SMIM27: variants seen among roughly 807,000 people sequenced by gnomAD.
SMIM27 encodes the protein TOPORS antisense RNA 1 (non-protein coding).
SMIM27 carries 3 observed loss-of-function variants against 1.8 expected under a neutral mutation model. That is an observed-to-expected ratio of 1.65 (90% CI 0.75 to 4.28). The LOEUF (loss-of-function observed/expected upper bound fraction) is 4.28. Among genes scored for constraint, SMIM27 ranks in the 30% most tolerant of loss-of-function variants. SMIM27 has a pLI of 0.02. For synonymous variants in SMIM27, 19 were observed against 13.9 expected, an observed-to-expected ratio of 1.37 and a Z score of -0.82; for missense variants, 63 against 37.0, an observed-to-expected ratio of 1.70 and a Z score of -1.83.
At chr9:32,561,069 T>C (rs1355373918) in intron 1 of SMIM27, among the ~76,000 whole-genome samples, 1 of 152,222 alleles carries the variant, frequency 6.6e-6, no homozygotes, top group African/African-American at 2.4e-5. Context: ...GTAGCCTTTT[T>C]ATGAACATAA....
chr9:32,560,232 G>A (rs942811071), intron 1 of SMIM27, among the ~76,000 whole-genome samples: 1 of 152,178 alleles, frequency 6.6e-6, no homozygotes, highest in Non-Finnish European at 1.5e-5. Context: ...GTGGCTCTGG[G>A]ACCTCTACTG....
chr9:32,566,089 C>A (rs879214696), intron 1 of SMIM27: 1 of 425,202 alleles, frequency 2.4e-6, no homozygotes, highest in Non-Finnish European at 4.2e-6. Context: ...AAAAAGGCAC[C>A]TGTTAAAATT....
At chr9:32,559,159 A>G (rs1821558540) in intron 1 of SMIM27, among the ~76,000 whole-genome samples, 1 of 152,152 alleles carries the variant, frequency 6.6e-6, no homozygotes, top group Non-Finnish European at 1.5e-5. Flanking sequence ...AACTTCTCCC[A>G]TCCCCAAACT....
chr9:32,555,922 A>C (rs1032602948), downstream of SMIM27, among the ~76,000 whole-genome samples: 2 of 152,226 alleles, frequency 1.3e-5, no homozygotes, highest in African/African-American at 4.8e-5. Flanking sequence ...ATTGCCAAGA[A>C]CCAGTGACTA....
chr9:32,558,560 T>C (rs1189041170), intron 1 of SMIM27, among the ~76,000 whole-genome samples: 1 of 152,222 alleles, frequency 6.6e-6, no homozygotes, highest in Non-Finnish European at 1.5e-5. Flanking sequence ...CATGCATGGA[T>C]GTTTGCTTAG....
chr9:32,551,160 C>T, upstream of SMIM27: 1 of 683,846 alleles, frequency 1.5e-6, no homozygotes, highest in Admixed American at 2.4e-5. Flanking sequence ...GCTCCAGACC[C>T]CGGAGGAGGG....
intron 1 of SMIM27, among the ~76,000 whole-genome samples, chr9:32,560,883 T>C (rs1336440435): frequency 6.6e-6 from 1 of 152,168 alleles, no homozygotes; most frequent in Non-Finnish European, 1.5e-5. Context: ...GTTTTTATAT[T>C]TGAAACTCAA....
intron 1 of SMIM27, among the ~76,000 whole-genome samples, chr9:32,558,204 C>T (rs1215648702): frequency 2.0e-5 from 3 of 151,224 alleles, no homozygotes; most frequent in Non-Finnish European, 4.4e-5. Flanking sequence ...CTCCACCTCC[C>T]AGGTTCACGC....
At chr9:32,553,985 C>G, downstream of SMIM27, 1 of 1,283,636 alleles carries the variant, frequency 7.8e-7, no homozygotes, top group Non-Finnish European at 1.1e-6. Flanking sequence ...AATCTTAAGT[C>G]TACAGAGGTG....
rs1587639856 is a variant in SMIM27, at chr9:32,558,951, T to C, written c.45+6472T>C. The C allele has an allele frequency of 1.9e-6, 3 of 1,580,716 alleles. No individual in the cohort carries two copies. The East Asian group carries it at 6.7e-5, about 35-fold the overall frequency. Reference sequence around the variant, plus strand: ...TTCTTTTCAACTATGCCATATGGTTTTTCCTGTAATAAAAGTTAACTCTGT... The same window carrying C: ...TTCTTTTCAACTATGCCATATGGTTCTTCCTGTAATAAAAGTTAACTCTGT... On this transcript the variant is annotated intron_variant, in intron 1 of 1. Transcript: ENST00000451672.
At chr9:32,558,841 C>T in intron 1 of SMIM27, 2 of 1,100,076 alleles carry the variant, frequency 1.8e-6, no homozygotes, top group Non-Finnish European at 2.6e-6. Context: ...CTAATAATTG[C>T]TTGGAAAGGG....
At chr9:32,555,798 C>T (rs978908071), downstream of SMIM27, among the ~76,000 whole-genome samples, 2 of 152,212 alleles carry the variant, frequency 1.3e-5, no homozygotes, top group Non-Finnish European at 2.9e-5. Flanking sequence ...AACAAACCCC[C>T]TGGACAGAGC....
chr9:32,554,533 T>A (rs543254556), downstream of SMIM27, among the ~76,000 whole-genome samples: 1 of 152,346 alleles, frequency 6.6e-6, no homozygotes, highest in African/African-American at 2.4e-5. Flanking sequence ...AATTTCAGTT[T>A]CAGCCATGTG....
rs978599251 is a variant in SMIM27 at position 32,566,758 on chromosome 9, G to C, written c.*305G>C. The C allele has an allele frequency of 5.5e-6, 5 of 906,000 alleles. No individual in the cohort carries two copies. The African/African-American group carries it at 8.1e-5, about 15-fold the overall frequency. 56.1% of individuals were successfully genotyped at this position (906,000 alleles called of 1,614,324 possible). A position where few individuals can be genotyped will look rare whatever the true frequency, so the allele number is the denominator to read the frequency against. ...TCAAACCACAGCGGGTCCTCAGCCC[G>C]GGTGTCGGCTGCGACGTTCTGGCTG... is the stretch of plus-strand genomic sequence containing the variant. On this transcript the variant is annotated 3_prime_UTR_variant, in exon 2 of 2. Coordinates refer to the SMIM27 transcript ENST00000451672.
rs1459908181 is a variant in SMIM27 at position 32,552,904 on chromosome 9, G to A, written c.149G>A (p.Gly50Glu). 1 of 701,964 alleles carries A rather than the reference G, an allele frequency of 1.4e-6. No homozygotes were observed. The highest frequency in any genetic ancestry group is 2.6e-6 in the Non-Finnish European group (1 of 384,624). The allele number at this position is 701,964 out of a possible 1,614,324, so 43.5% of individuals were successfully genotyped here. Residue 50 changes from glycine to glutamate, a missense_variant, in exon 2 of 2, where the codon GGG becomes GAG. Gly to Glu is a moderately conservative substitution (Grantham distance 98). Coordinates refer to ENST00000692500, the MANE Select transcript of SMIM27 (RefSeq NM_001387564.1). ...LRKKYPDKIF[G>E]TNENL ...AAGAAATACCCAGACAAAATCTTTGGGACGAATGAAAATTTGTAACTCTTC... is the reference window on the plus strand; with the variant it reads ...AAGAAATACCCAGACAAAATCTTTGAGACGAATGAAAATTTGTAACTCTTC...
At chr9:32,552,701 G>A in intron 1 of SMIM27, 100 bp from the exon 2 acceptor site, 1 of 657,918 alleles carries the variant, frequency 1.5e-6, no homozygotes, top group Non-Finnish European at 2.8e-6. Context: ...ATTCGACTTT[G>A]TTACTTTAAT....
At chr9:32,551,751 C>A, upstream of SMIM27, 1 of 441,708 alleles carries the variant, frequency 2.3e-6, no homozygotes. Context: ...CGCGGCAGTT[C>A]AAGAACATCA....
chr9:32,566,583 A>G, exon 2 of SMIM27: 2 of 783,784 alleles, frequency 2.6e-6, no homozygotes, highest in South Asian at 1.3e-5. Flanking sequence ...CTTCTGGCAC[A>G]TGGAGCGGAG....
exon 2 of SMIM27, chr9:32,566,819 C>A (rs1821806006): frequency 1.1e-6 from 1 of 879,798 alleles, no homozygotes. Context: ...GTCTCTGCCT[C>A]TGTGGGGGCC....
Sources: gnomAD v4.1 joint callset for allele counts (sites outside exome capture counted in the v4.1 genomes callset) on GRCh38, gnomAD v4.1.1 for gene constraint, MANE v1.5 for transcripts, NCBI Gene and HGNC (gene_info 2026-07-23, HGNC 2026-07-21) for gene names.